The following KCNJ6 variants were observed in gnomAD, a reference collection of about 807,000 sequenced individuals.
The protein encoded by KCNJ6 is G protein-activated inward rectifier potassium channel 2.
Under a neutral mutation model 34.2 loss-of-function variants are expected in KCNJ6, and 9 were observed. The observed-to-expected ratio is 0.26, with a 90% confidence interval of 0.16 to 0.46. The LOEUF (loss-of-function observed/expected upper bound fraction) is 0.46. KCNJ6 is among the 20% of genes least tolerant of loss of function. KCNJ6 has a pLI of 1.00. For missense variants in KCNJ6, 236 were observed against 531.3 expected, an observed-to-expected ratio of 0.44 and a Z score of 5.46; for synonymous variants, 196 against 207.1, an observed-to-expected ratio of 0.95 and a Z score of 0.46.
At chr21:37,758,959 C>A (rs2055046108) in intron 2 of KCNJ6, among the ~76,000 whole-genome samples, 1 of 152,304 alleles carries the variant, frequency 6.6e-6, no homozygotes, top group East Asian at 1.9e-4. Flanking sequence ...GGCGAGGAAA[C>A]TGAGGATTAG....
At chr21:37,794,642 C>T (rs2055232348) in intron 2 of KCNJ6, among the ~76,000 whole-genome samples, 1 of 152,080 alleles carries the variant, frequency 6.6e-6, no homozygotes, top group Non-Finnish European at 1.5e-5. Context: ...GAACCAAACA[C>T]CACATATTCT....
intron 1 of KCNJ6, among the ~76,000 whole-genome samples, chr21:37,843,041 C>G (rs2055488837): frequency 6.6e-6 from 1 of 152,140 alleles, no homozygotes; most frequent in Non-Finnish European, 1.5e-5. Flanking sequence ...GCTTGACCCT[C>G]CTCTGATGGC....
rs141680695 is a variant in KCNJ6, at chr21:37,804,574, C to T, written c.25+36084G>A. Among the ~76,000 whole-genome samples the T allele has an allele frequency of 2.6e-5, 4 of 152,268 alleles. No homozygotes were observed. The East Asian group carries it at 7.7e-4, about 29-fold the overall frequency. On this transcript the variant is annotated intron_variant, in intron 2 of 3. Transcript: ENST00000609713. ...ATTTTTCCTGATCTTCTCCCTCCTCCCATCCTCCACCCTCTAATAGGCTCC... is the reference window on the plus strand; with the variant it reads ...ATTTTTCCTGATCTTCTCCCTCCTCTCATCCTCCACCCTCTAATAGGCTCC...
chr21:37,727,615 G>A (rs2054861860), intron 2 of KCNJ6, among the ~76,000 whole-genome samples: 1 of 152,174 alleles, frequency 6.6e-6, no homozygotes, highest in South Asian at 2.1e-4. Context: ...CGGTTATAAG[G>A]AAGAGGGATA....
chr21:37,884,463 T>C (rs189057725), intron 1 of KCNJ6, among the ~76,000 whole-genome samples: 3 of 152,208 alleles, frequency 2.0e-5, no homozygotes, highest in South Asian at 2.1e-4. Flanking sequence ...GGGAGCATCA[T>C]CTCTCTGCCC....
chr21:37,773,719 C>T (rs1276388791), intron 2 of KCNJ6, among the ~76,000 whole-genome samples: 2 of 152,164 alleles, frequency 1.3e-5, no homozygotes, highest in Admixed American at 1.3e-4. Context: ...CTGCACCACA[C>T]CTGCACCAGG....
chr21:37,729,882 G>A (rs939126992), intron 2 of KCNJ6, among the ~76,000 whole-genome samples: 5 of 152,066 alleles, frequency 3.3e-5, no homozygotes, highest in African/African-American at 1.2e-4. Flanking sequence ...GCTAGCAGCA[G>A]TCCTGCAACC....
chr21:37,829,521 G>T (rs1260074056), intron 2 of KCNJ6, among the ~76,000 whole-genome samples: 1 of 152,166 alleles, frequency 6.6e-6, no homozygotes, highest in Non-Finnish European at 1.5e-5. Flanking sequence ...GCTGCTGGGT[G>T]TGTGGGGGCC....
chr21:37,799,734 T>C (rs935213435), intron 2 of KCNJ6, among the ~76,000 whole-genome samples: 7 of 152,206 alleles, frequency 4.6e-5, no homozygotes, highest in Non-Finnish European at 1.5e-5. Flanking sequence ...ATTTCTTATA[T>C]GACATTTAGA....
chr21:37,714,967 T>G lies in KCNJ6; in HGVS notation c.190A>C (p.Asn64His). The change falls in exon 3 of 4, where the codon AAT becomes CAT. Residue 64 changes from asparagine to histidine, a missense_variant. Asn to His is a moderately conservative substitution (Grantham distance 68). Transcript: ENST00000609713. The surrounding 1 kb of genome is among the most constrained non-coding windows in gnomAD (Gnocchi z 5.9). Reference sequence around the variant, plus strand: ...TCCCTCACGTTGCCGTGATGAACATTGCACTTTCCGTCTTTCCTCACGTAC... The same window carrying G: ...TCCCTCACGTTGCCGTGATGAACATGGCACTTTCCGTCTTTCCTCACGTAC... ...QRYVRKDGKC[N>H]VHHGNVRETY... is the part of the protein sequence containing the mutation. 6.2e-7 allele frequency: 1 copy of G among 1,614,230 alleles called. No homozygotes were observed. Among genetic ancestry groups the G allele is most frequent in the Non-Finnish European group, 8.5e-7 (1 of 1,180,052 alleles).
intron 3 of KCNJ6, among the ~76,000 whole-genome samples, chr21:37,690,269 T>C (rs952934842): frequency 6.6e-6 from 1 of 152,248 alleles, no homozygotes; most frequent in Non-Finnish European, 1.5e-5. Context: ...CTCTATAGCA[T>C]GAACCTGACA....
intron 3 of KCNJ6, among the ~76,000 whole-genome samples, chr21:37,678,864 C>T (rs952234036): frequency 6.6e-6 from 1 of 152,180 alleles, no homozygotes; most frequent in African/African-American, 2.4e-5. Flanking sequence ...TGGTTTAAAA[C>T]ACAGGCACAA....
chr21:37,738,379 G>A (rs2054923945), intron 2 of KCNJ6, among the ~76,000 whole-genome samples: 1 of 152,176 alleles, frequency 6.6e-6, no homozygotes, highest in Non-Finnish European at 1.5e-5. Flanking sequence ...TGTGTGCTTT[G>A]CTGTGCCTCC....
intron 2 of KCNJ6, among the ~76,000 whole-genome samples, chr21:37,834,917 GC>G (rs111642966): frequency 0.2 from 29,794 of 152,156 alleles, 3,045 homozygotes; most frequent in South Asian, 0.29. Context: ...TAAAGCTGCT[GC>G]TCTGTTATTT....
At chr21:37,778,965 G>A (rs550433265) in intron 2 of KCNJ6, among the ~76,000 whole-genome samples, 62 of 152,064 alleles carry the variant, frequency 4.1e-4, no homozygotes, top group South Asian at 3.1e-3. Flanking sequence ...GCACGTGAAC[G>A]GGCATTTGTA....
intron 3 of KCNJ6, among the ~76,000 whole-genome samples, chr21:37,707,680 A>AAGC (rs2054727184): frequency 3.4e-3 from 1 of 294 alleles, no homozygotes; most frequent in Non-Finnish European, 8.6e-3. Context: ...TGATTGACTG[A>AAGC]AGCAGCAGCA....
chr21:37,896,080 A>G (rs796915900), intron 1 of KCNJ6, among the ~76,000 whole-genome samples: 20 of 152,306 alleles, frequency 1.3e-4, no homozygotes, highest in African/African-American at 4.1e-4. Flanking sequence ...GAAACTTACA[A>G]TCATGTCGGA....
chr21:37,719,208 A>C (rs895638924), intron 2 of KCNJ6: 1 of 154,134 alleles, frequency 6.5e-6, no homozygotes, highest in African/African-American at 2.4e-5. Flanking sequence ...GAATGGGGCT[A>C]GGGAGAGAGG....
intron 3 of KCNJ6, among the ~76,000 whole-genome samples, chr21:37,686,721 C>T (rs1030050745): frequency 6.6e-6 from 1 of 152,112 alleles, no homozygotes; most frequent in Non-Finnish European, 1.5e-5. Context: ...CCCACCCTGG[C>T]CTCCCAAAGT....
Sources: allele counts gnomAD v4.1 joint callset (sites outside exome capture counted in the v4.1 genomes callset), GRCh38; gene constraint gnomAD v4.1.1; non-coding constraint Gnocchi (gnomAD v3.1); transcripts MANE v1.5; gene names NCBI Gene and HGNC (gene_info 2026-07-23, HGNC 2026-07-21).